Variants in VPS37A observed in about 807,000 individuals in gnomAD.
VPS37A encodes vacuolar protein sorting-associated protein 37A.
In VPS37A, 30 loss-of-function variants were observed where a neutral mutation model predicts 49.8. The observed-to-expected ratio is 0.60, with a 90% CI of 0.45 to 0.82. The LOEUF (loss-of-function observed/expected upper bound fraction) is 0.82, where lower values mean the gene tolerates loss of function less well. VPS37A is among the 40% of genes least tolerant of loss of function. The pLI, the probability that VPS37A is intolerant of heterozygous loss-of-function variation, is 0.00. For synonymous variants in VPS37A, 195 were observed against 160.6 expected (o/e 1.21, Z -1.62); for missense variants, 593 against 464.4 (o/e 1.28, Z -2.55).
the VPS37A span, among the ~76,000 whole-genome samples, chr8:17,316,198 T>C: frequency 3.3e-5 from 5 of 152,124 alleles, no homozygotes; most frequent in Non-Finnish European, 5.9e-5. Flanking sequence ...ATGGTAATAA[T>C]AGCCTCTGTA....
intron 1 of VPS37A, among the ~76,000 whole-genome samples, chr8:17,250,858 A>C (rs1001295826): frequency 3.9e-5 from 6 of 152,324 alleles, no homozygotes; most frequent in African/African-American, 1.2e-4. Context: ...GATGACACTC[A>C]CAGAAAAGTG....
At chr8:17,247,946 C>G in intron 1 of VPS37A, 1 of 596,280 alleles carries the variant, frequency 1.7e-6, no homozygotes, top group Non-Finnish European at 3.0e-6. Flanking sequence ...AGTGCATGTA[C>G]ATTTCTCACT....
the VPS37A span, among the ~76,000 whole-genome samples, chr8:17,321,188 G>C: frequency 6.6e-6 from 1 of 152,200 alleles, no homozygotes; most frequent in Non-Finnish European, 1.5e-5. Context: ...ATGACTGCAA[G>C]TTTAAAAATA....
downstream of VPS37A, chr8:17,302,146 T>C (rs377016689): frequency 2.5e-6 from 4 of 1,614,050 alleles, no homozygotes; most frequent in South Asian, 1.1e-5. Context: ...AAAGCAAGTA[T>C]GTCTTACTTC....
chr8:17,276,688 T>A (rs1814546290), intron 6 of VPS37A, among the ~76,000 whole-genome samples: 1 of 152,162 alleles, frequency 6.6e-6, no homozygotes, highest in Non-Finnish European at 1.5e-5. Context: ...ATTTTTATAA[T>A]GATATAATAG....
intron 1 of VPS37A, among the ~76,000 whole-genome samples, chr8:17,262,553 T>C (rs1480693265): frequency 6.6e-6 from 1 of 150,602 alleles, no homozygotes; most frequent in African/African-American, 2.5e-5. Context: ...TGTGGTGTGA[T>C]TAAAATATTA....
At chr8:17,304,595 G>GA, downstream of VPS37A, 1 of 1,466,872 alleles carries the variant, frequency 6.8e-7, no homozygotes, top group Non-Finnish European at 9.4e-7. Flanking sequence ...ATTAATGCTG[G>GA]AAAGGAACTA....
intron 4 of VPS37A, among the ~76,000 whole-genome samples, chr8:17,273,580 A>T (rs1430971334): frequency 2.0e-5 from 3 of 151,988 alleles, no homozygotes; most frequent in Non-Finnish European, 4.4e-5. Context: ...GTTAGCCAGG[A>T]TGGTCTCGAT....
At position 17,247,290 on chromosome 8, in the gene VPS37A, G is replaced by T; in HGVS notation, c.46G>T (p.Ala16Ser). 6.4e-7 allele frequency: 1 copy of T among 1,566,140 alleles called. No homozygotes were observed. The highest frequency in any genetic ancestry group is 8.7e-7 in the Non-Finnish European group (1 of 1,155,568). ...GACCAAGAGCGCCTCCTCCTCCGCG[G>T]CTGGGTCCCCCGGTGGCCTCACCAG... ...PLTKSASSSA[A>S]GSPGGLTSLQ... is the part of the protein sequence containing the mutation. The change falls in exon 1 of 12, where the codon GCT (alanine) becomes TCT (serine). Residue 16 changes from alanine to serine, a missense_variant. By Grantham distance (99) the Ala-to-Ser change is moderately conservative. Transcript: ENST00000324849.
In VPS37A at chr8:17,247,529, C is replaced by T. The variant is rs985973399; in HGVS notation, c.125+160C>T. On this transcript the variant is annotated intron_variant, in intron 1 of 11. Coordinates refer to ENST00000324849, the MANE Select transcript of VPS37A (RefSeq NM_152415.3). ...ACGCTTGCTCTGCCACTCCTGCCCC[C>T]TTTTACTGTTTTCCTCCGGACCCTC... The T allele has an allele frequency of 4.9e-5, 51 of 1,043,084 alleles. No homozygotes were observed. The South Asian group carries it at 6.4e-4, about 13-fold the overall frequency. 64.6% of individuals were successfully genotyped at this position (1,043,084 alleles called of 1,614,324 possible). A position where few individuals can be genotyped will look rare whatever the true frequency, so the allele number is the denominator to read the frequency against.
chr8:17,317,378 C>G, the VPS37A span, among the ~76,000 whole-genome samples: 496 of 152,296 alleles, frequency 3.3e-3, 6 homozygotes, highest in East Asian at 0.037. Context: ...TTCTGAACAC[C>G]TGAGTGCATC....
In VPS37A at chr8:17,297,387, T is replaced by C. The variant is rs1816749189; in HGVS notation, c.*2401T>C. 1 of 152,094 alleles carries C rather than the reference T, an allele frequency of 6.6e-6. No individual in the cohort carries two copies. The highest frequency in any genetic ancestry group is 1.5e-5 in the Non-Finnish European group (1 of 67,962). The allele number at this position is 152,094 out of a possible 1,614,324, so 9.4% of individuals were successfully genotyped here. A position where few individuals can be genotyped will look rare whatever the true frequency, so the allele number is the denominator to read the frequency against. ...CAGAATAGAGGGTGCTTGACACATA[T>C]ATATGCTTAAATTGAAGGACAGCTC... On this transcript the variant is annotated 3_prime_UTR_variant, in exon 12 of 12. Transcript: ENST00000324849.
chr8:17,325,266 C>CCTGA, the VPS37A span, among the ~76,000 whole-genome samples: 3 of 152,258 alleles, frequency 2.0e-5, no homozygotes, highest in African/African-American at 7.2e-5. Flanking sequence ...CAACATGTGA[C>CCTGA]CGTCATACCC....
At chr8:17,250,382 G>A (rs1232914772) in intron 1 of VPS37A, among the ~76,000 whole-genome samples, 1 of 152,178 alleles carries the variant, frequency 6.6e-6, no homozygotes, top group African/African-American at 2.4e-5. Flanking sequence ...AGACAGATTG[G>A]TTATTCTAAA....
the VPS37A span, among the ~76,000 whole-genome samples, chr8:17,310,874 T>C: frequency 1.3e-5 from 2 of 152,098 alleles, no homozygotes; most frequent in South Asian, 2.1e-4. Context: ...AAGGAACTTA[T>C]ACCAGATTAG....
Position 17,247,000 on chromosome 8 carries a change from G to C in VPS37A, c.-245G>C. 1.8e-6 allele frequency: 1 copy of C among 541,678 alleles called. No homozygotes were observed. The highest frequency in any genetic ancestry group is 2.1e-5 in the South Asian group (1 of 48,300). 33.6% of individuals were successfully genotyped at this position (541,678 alleles called of 1,614,324 possible). ...CCTGGCTGGCCGGTTTGGGCGTCTG[G>C]GCCGTGAAGGTGGGACCTCCTGTTC... is the stretch of plus-strand genomic sequence containing the variant. On this transcript the variant is annotated 5_prime_UTR_variant, in exon 1 of 12. Transcript: ENST00000324849.
At chr8:17,288,394 C>G (rs893179596) in intron 11 of VPS37A, among the ~76,000 whole-genome samples, 2 of 152,092 alleles carry the variant, frequency 1.3e-5, no homozygotes, top group Non-Finnish European at 2.9e-5. Flanking sequence ...CCAACAGGCT[C>G]CAGTGTGTGA....
Position 17,264,470 on chromosome 8 carries a change from G to C in VPS37A, c.126-1437G>C, listed in dbSNP as rs952542152. On this transcript the variant is annotated intron_variant, in intron 1 of 11. Coordinates refer to ENST00000324849, the MANE Select transcript of VPS37A (RefSeq NM_152415.3). ...AAGTCCTAATATTGAGTGTCCACTTGAGTCTTTTCTTAATCGTTTTTTCTA... is the reference window on the plus strand; with the variant it reads ...AAGTCCTAATATTGAGTGTCCACTTCAGTCTTTTCTTAATCGTTTTTTCTA... 9.2e-5 allele frequency among the ~76,000 whole-genome samples: 14 copies of C among 152,172 alleles called. 1 individual carries two copies. Among genetic ancestry groups the C allele is most frequent in the Admixed American group, 7.9e-4 (12 of 15,278 alleles).
chr8:17,268,063 G>A (rs1258739578), intron 2 of VPS37A, among the ~76,000 whole-genome samples, 195 bp from the exon 3 acceptor site: 3 of 152,178 alleles, frequency 2.0e-5, no homozygotes, highest in African/African-American at 7.2e-5. Flanking sequence ...TGCGTTGAAT[G>A]ACTAGTCTTG....
Sources: gnomAD v4.1 joint callset for allele counts (sites outside exome capture counted in the v4.1 genomes callset) on GRCh38, gnomAD v4.1.1 for gene constraint, MANE v1.5 for transcripts, NCBI Gene and HGNC (gene_info 2026-07-23, HGNC 2026-07-21) for gene names.